ARL8B: variants seen among roughly 807,000 people sequenced by gnomAD.
ARL8B encodes ARF like GTPase 8B.
ARL8B carries 9 observed loss-of-function variants against 30.6 expected under a neutral mutation model. That is an observed-to-expected ratio of 0.29 (90% confidence interval 0.18 to 0.51). The LOEUF (loss-of-function observed/expected upper bound fraction) is 0.51. Among genes scored for constraint, ARL8B ranks in the 20% least tolerant of loss-of-function variants. ARL8B has a pLI of 0.97. For synonymous variants in ARL8B, 74 were observed against 76.0 expected, an observed-to-expected ratio of 0.97 and a Z score of 0.14; for missense variants, 130 against 227.2, an observed-to-expected ratio of 0.57 and a Z score of 2.75.
At chr3:5,128,973 A>G (rs1027950261) in intron 1 of ARL8B, among the ~76,000 whole-genome samples, 63 of 151,938 alleles carry the variant, frequency 4.1e-4, no homozygotes, top group African/African-American at 1.5e-3. Context: ...TGGATATGCC[A>G]TAACATATTT....
At chr3:5,176,457 C>T (rs1308964248) in intron 6 of ARL8B, among the ~76,000 whole-genome samples, 1 of 152,154 alleles carries the variant, frequency 6.6e-6, no homozygotes, top group South Asian at 2.1e-4. Flanking sequence ...TCTTGAACTC[C>T]TGACCTCAGG....
intron 1 of ARL8B, among the ~76,000 whole-genome samples, chr3:5,140,079 A>G (rs2054359294): frequency 6.8e-6 from 1 of 147,116 alleles, no homozygotes; most frequent in Admixed American, 6.9e-5. Context: ...CTCTGCCTCC[A>G]AGATGTGATT....
chr3:5,177,623 T>C (rs2054741973), intron 6 of ARL8B, among the ~76,000 whole-genome samples: 1 of 151,974 alleles, frequency 6.6e-6, no homozygotes. Context: ...GCTCGGCTAA[T>C]TTTTGTATTT....
chr3:5,132,531 G>A (rs182306849), intron 1 of ARL8B, among the ~76,000 whole-genome samples: 30 of 152,210 alleles, frequency 2.0e-4, no homozygotes, highest in African/African-American at 6.7e-4. Flanking sequence ...GAGCCACTGC[G>A]CCCGGCTCCT....
chr3:5,151,328 A>G (rs1005972515), intron 1 of ARL8B, among the ~76,000 whole-genome samples: 1 of 152,178 alleles, frequency 6.6e-6, no homozygotes, highest in Non-Finnish European at 1.5e-5. Flanking sequence ...CTGTAGTCCC[A>G]GCTACTTGGG....
intron 1 of ARL8B, among the ~76,000 whole-genome samples, chr3:5,148,622 A>AT (rs2106561261): frequency 6.6e-6 from 1 of 152,136 alleles, no homozygotes; most frequent in African/African-American, 2.4e-5. Context: ...ATGGGAGCTA[A>AT]TTTTTTGATC....
At chr3:5,177,404 G>A (rs2054739780) in intron 6 of ARL8B, among the ~76,000 whole-genome samples, 1 of 151,360 alleles carries the variant, frequency 6.6e-6, no homozygotes. Context: ...TTGTCTTTAG[G>A]ATATGAACTT....
intron 1 of ARL8B, among the ~76,000 whole-genome samples, chr3:5,164,556 T>G (rs1401177689): frequency 1.3e-5 from 2 of 152,244 alleles, no homozygotes; most frequent in Non-Finnish European, 2.9e-5. Context: ...TTGTATCACC[T>G]TACAGCATTC....
chr3:5,135,501 C>G (rs983823081), intron 1 of ARL8B, among the ~76,000 whole-genome samples: 5 of 151,904 alleles, frequency 3.3e-5, no homozygotes, highest in Non-Finnish European at 7.4e-5. Flanking sequence ...CTCTGTCGCC[C>G]AGGCTGGAGT....
At chr3:5,167,526 G>T (rs941309760) in intron 1 of ARL8B, among the ~76,000 whole-genome samples, 1 of 152,066 alleles carries the variant, frequency 6.6e-6, no homozygotes, top group Admixed American at 6.6e-5. Flanking sequence ...GATAAGGAGG[G>T]ACTACTTACT....
chr3:5,131,131 T>C (rs2054279471), intron 1 of ARL8B, among the ~76,000 whole-genome samples: 1 of 152,064 alleles, frequency 6.6e-6, no homozygotes, highest in African/African-American at 2.4e-5. Context: ...CAGGCTGGTG[T>C]CAAACTCCTG....
In ARL8B at chr3:5,180,143, CAG is replaced by C. The variant is rs2054766058; in HGVS notation, c.*1433_*1434del. ...TGCATTTCCAAATGTGTTGAGCACT[CAG>C]AGTGTAGTCAACAGTAAGTTCTTTT... On this transcript the variant is annotated 3_prime_UTR_variant, in exon 7 of 7. Transcript: ENST00000256496. 1 of 152,626 alleles carries C rather than the reference CAG, an allele frequency of 6.6e-6. No individual in the cohort carries two copies. Among genetic ancestry groups the C allele is most frequent in the African/African-American group, 2.4e-5 (1 of 41,450 alleles). The allele number at this position is 152,626 out of a possible 1,614,324, so 9.5% of individuals were successfully genotyped here. A position where few individuals can be genotyped will look rare whatever the true frequency, so the allele number is the denominator to read the frequency against.
chr3:5,172,636 A>AT lies in ARL8B; in HGVS notation c.279-4dup, dbSNP rs747201276. ...AGAGAAGGTATGTTGAGATCACTTC[A>AT]TTTTTTTAAGTTACATGATAGATGC... On this transcript the variant is annotated splice_polypyrimidine_tract_variant and intron_variant, in intron 3 of 6. Transcript: ENST00000256496. The AT allele has an allele frequency of 7.5e-6, 12 of 1,599,246 alleles. No individual in the cohort carries two copies. The highest frequency in any genetic ancestry group is 1.7e-4 in the Middle Eastern group (1 of 6,010).
Position 5,122,469 on chromosome 3 carries a change from C to T in ARL8B, c.4C>T (p.Leu2=), listed in dbSNP as rs750590692. 1.2e-6 allele frequency: 2 copies of T among 1,613,248 alleles called. No individual in the cohort carries two copies. The highest frequency in any genetic ancestry group is 1.7e-6 in the Non-Finnish European group (2 of 1,179,710). Residue 2 remains leucine, a synonymous_variant, in exon 1 of 7, where the codon CTG becomes TTG. Transcript: ENST00000256496. The part of the protein sequence containing the change: M[L]ALISRLLDWF... ...GTTCTCGCTCCCGGCCGCCATCATG[C>T]TGGCGCTCATCTCCCGCCTGCTGGA...
At chr3:5,155,831 A>AT (rs2054528167) in intron 1 of ARL8B, among the ~76,000 whole-genome samples, 4 of 129,500 alleles carry the variant, frequency 3.1e-5, no homozygotes, top group African/African-American at 1.3e-4. Flanking sequence ...GTTTTCTTGC[A>AT]TTTTTCTCAG....
At chr3:5,171,998 G>A in intron 2 of ARL8B, 152 bp from the exon 3 acceptor site, 1 of 621,528 alleles carries the variant, frequency 1.6e-6, no homozygotes. Context: ...CATATTAAGA[G>A]CTTGTTTGAG....
Position 5,122,438 on chromosome 3 carries a change from C to T in ARL8B, c.-28C>T. The T allele has an allele frequency of 1.2e-6, 2 of 1,611,502 alleles. No individual in the cohort carries two copies. The highest frequency in any genetic ancestry group is 1.3e-5 in the African/African-American group (1 of 75,016). On this transcript the variant is annotated 5_prime_UTR_variant, in exon 1 of 7. Coordinates refer to ENST00000256496, the MANE Select transcript of ARL8B (RefSeq NM_018184.3). Reference sequence around the variant, plus strand: ...TCGACGCCGCCGCTCGTCCGTCCTCCCGTCCGTTCTCGCTCCCGGCCGCCA... The same window carrying T: ...TCGACGCCGCCGCTCGTCCGTCCTCTCGTCCGTTCTCGCTCCCGGCCGCCA...
chr3:5,164,127 A>C (rs2054604667), intron 1 of ARL8B, among the ~76,000 whole-genome samples: 1 of 152,128 alleles, frequency 6.6e-6, no homozygotes, highest in Admixed American at 6.5e-5. Context: ...GAATTCCATG[A>C]ATACTGTATT....
intron 1 of ARL8B, among the ~76,000 whole-genome samples, chr3:5,128,915 A>T (rs1184894559): frequency 1.3e-5 from 2 of 152,216 alleles, no homozygotes; most frequent in African/African-American, 4.8e-5. Context: ...TTTTCTATCT[A>T]AAACATTTTT....
Sources: gnomAD v4.1 joint callset for allele counts (sites outside exome capture counted in the v4.1 genomes callset) on GRCh38, gnomAD v4.1.1 for gene constraint, MANE v1.5 for transcripts, NCBI Gene and HGNC (gene_info 2026-07-23, HGNC 2026-07-21) for gene names.